The following PKNOX2 variants were observed in gnomAD, a reference collection of about 807,000 sequenced individuals.
PKNOX2 encodes the protein PBX/knotted 1 homeobox 2, also known as homeobox protein PKNOX2.
PKNOX2 carries 14 observed loss-of-function variants against 53.1 expected under a neutral mutation model. The observed-to-expected ratio is 0.26, with a 90% CI of 0.17 to 0.41. PKNOX2 has a LOEUF of 0.41. PKNOX2 is among the 10% of genes least tolerant of loss of function. The pLI is 1.00. For missense variants in PKNOX2, 496 were observed against 602.8 expected, an observed-to-expected ratio of 0.82 and a Z score of 1.85; for synonymous variants, 257 against 242.8, an observed-to-expected ratio of 1.06 and a Z score of -0.54.
chr11:125,355,686 C>G (rs1951566990), intron 4 of PKNOX2, among the ~76,000 whole-genome samples: 1 of 152,126 alleles, frequency 6.6e-6, no homozygotes, highest in African/African-American at 2.4e-5. Context: ...CCTCCTCCCA[C>G]TGCCCCAAGA....
At chr11:125,357,690 G>A (rs1185633730) in intron 4 of PKNOX2, among the ~76,000 whole-genome samples, 1 of 152,164 alleles carries the variant, frequency 6.6e-6, no homozygotes, top group East Asian at 1.9e-4. Context: ...GGCCTGGCAG[G>A]AGGCAGGTGG....
intron 2 of PKNOX2, among the ~76,000 whole-genome samples, chr11:125,251,642 G>C (rs1944007198): frequency 6.6e-6 from 1 of 151,820 alleles, no homozygotes; most frequent in Admixed American, 6.6e-5. Context: ...GAGCAAGAGG[G>C]GAAGGGGCAG....
chr11:125,382,597 C>T (rs1039073729), intron 5 of PKNOX2, among the ~76,000 whole-genome samples: 8 of 151,928 alleles, frequency 5.3e-5, no homozygotes, highest in Admixed American at 4.6e-4. Flanking sequence ...TAATTCATAA[C>T]ACCGTCTGGA....
intron 2 of PKNOX2, among the ~76,000 whole-genome samples, chr11:125,255,904 A>G (rs1005630040): frequency 5.3e-5 from 8 of 151,774 alleles, no homozygotes; most frequent in Admixed American, 2.6e-4. Context: ...GCTAGAAGTC[A>G]TGCATCTAGT....
chr11:125,349,441 T>C (rs1422873032), intron 3 of PKNOX2, among the ~76,000 whole-genome samples: 3 of 152,190 alleles, frequency 2.0e-5, no homozygotes, highest in Admixed American at 6.5e-5. Flanking sequence ...GGCGAGGCCC[T>C]GCATGCTGTT....
At chr11:125,421,108 A>G (rs1175506525) in intron 10 of PKNOX2, among the ~76,000 whole-genome samples, 1 of 152,220 alleles carries the variant, frequency 6.6e-6, no homozygotes, top group Non-Finnish European at 1.5e-5. Flanking sequence ...AATTTCAGGT[A>G]TGAGATGTGA....
intron 3 of PKNOX2, among the ~76,000 whole-genome samples, chr11:125,342,211 G>T (rs947053208): frequency 6.6e-6 from 1 of 151,816 alleles, no homozygotes; most frequent in Non-Finnish European, 1.5e-5. Context: ...TTGGAACAAG[G>T]TATCATCTAG....
At chr11:125,171,667 C>T (rs1219929584) in intron 1 of PKNOX2, among the ~76,000 whole-genome samples, 1 of 152,188 alleles carries the variant, frequency 6.6e-6, no homozygotes, top group African/African-American at 2.4e-5. Context: ...GGAGGATTAC[C>T]CCTTTCCCTT....
At position 125,352,041 on chromosome 11, in the gene PKNOX2, C is replaced by T. The variant is rs114464602; in HGVS notation, c.87+649C>T. ...CCGATTGCCTCTCCTGCAACATGCC[C>T]CTCCTCAGCAGTGCCTTCTGGCTGT... On this transcript the variant is annotated intron_variant, in intron 4 of 12. Transcript: ENST00000298282. This position sits in a 1 kb window ranked among gnomAD's most constrained non-coding sequence, Gnocchi z 4.1. Among the ~76,000 whole-genome samples the T allele has an allele frequency of 0.013, 1,955 of 152,228 alleles. 54 individuals carry two copies. Among genetic ancestry groups the T allele is most frequent in the African/African-American group, 0.044 (1,841 of 41,520 alleles).
intron 1 of PKNOX2, among the ~76,000 whole-genome samples, chr11:125,176,964 C>T (rs4936985): frequency 0.22 from 34,120 of 152,194 alleles, 4,175 homozygotes; most frequent in Non-Finnish European, 0.28. Flanking sequence ...CGCATTCTTC[C>T]TACAGCCCCA....
At chr11:125,295,454 G>C (rs968329827) in intron 2 of PKNOX2, among the ~76,000 whole-genome samples, 2 of 152,238 alleles carry the variant, frequency 1.3e-5, no homozygotes, top group Admixed American at 6.5e-5. Flanking sequence ...ATGTATGCCT[G>C]TGCATGTGTG....
intron 2 of PKNOX2, among the ~76,000 whole-genome samples, chr11:125,305,177 G>A (rs543829894): frequency 6.6e-6 from 1 of 152,140 alleles, no homozygotes; most frequent in African/African-American, 2.4e-5. Context: ...AGAATCAGAG[G>A]CTCCAGAGCA....
At chr11:125,428,371 T>C (rs978421871) in intron 10 of PKNOX2, among the ~76,000 whole-genome samples, 2 of 152,172 alleles carry the variant, frequency 1.3e-5, no homozygotes, top group African/African-American at 2.4e-5. Flanking sequence ...ATTCCATCTC[T>C]TCATCTGCAA....
chr11:125,193,535 G>A (rs1296483244), intron 1 of PKNOX2, among the ~76,000 whole-genome samples: 1 of 152,178 alleles, frequency 6.6e-6, no homozygotes, highest in Non-Finnish European at 1.5e-5. Context: ...TTCTCTCTGT[G>A]TAAGGCTATA....
chr11:125,416,966 C>G (rs1174862813), intron 10 of PKNOX2, among the ~76,000 whole-genome samples: 1 of 152,030 alleles, frequency 6.6e-6, no homozygotes, highest in Non-Finnish European at 1.5e-5. Flanking sequence ...AATCCCAGAG[C>G]CTTTTTGCTG....
intron 1 of PKNOX2, among the ~76,000 whole-genome samples, chr11:125,222,917 T>G (rs1591486383): frequency 6.6e-6 from 1 of 152,206 alleles, no homozygotes; most frequent in African/African-American, 2.4e-5. Flanking sequence ...AATGAATGAA[T>G]GAGCCTAGTT....
Position 125,341,917 on chromosome 11 carries a change from C to T in PKNOX2, c.-22-9367C>T, listed in dbSNP as rs187557024. Among the ~76,000 whole-genome samples the T allele has an allele frequency of 8.0e-5, 12 of 149,868 alleles. No individual in the cohort carries two copies. In the South Asian group the frequency reaches 2.5e-3, roughly 31 times the overall value. On this transcript the variant is annotated intron_variant, in intron 3 of 12. Coordinates refer to ENST00000298282, the MANE Select transcript of PKNOX2 (RefSeq NM_001382323.2). ...CAGGAACACAGAGCCAGTGTACCCGCCCTCCTTCCAAGGGGGTGGTGAGGA... is the reference window on the plus strand; with the variant it reads ...CAGGAACACAGAGCCAGTGTACCCGTCCTCCTTCCAAGGGGGTGGTGAGGA...
At chr11:125,420,692 C>T (rs1320372363) in intron 10 of PKNOX2, among the ~76,000 whole-genome samples, 3 of 152,104 alleles carry the variant, frequency 2.0e-5, no homozygotes. Context: ...CTGATGAAAG[C>T]TTATTTAGAT....
At chr11:125,262,768 C>T (rs1191334611) in intron 2 of PKNOX2, among the ~76,000 whole-genome samples, 2 of 151,972 alleles carry the variant, frequency 1.3e-5, no homozygotes, top group African/African-American at 4.8e-5. Context: ...CACCTCATCA[C>T]CTCTCTCTTT....
Sources: gnomAD v4.1 joint callset for allele counts (sites outside exome capture counted in the v4.1 genomes callset) on GRCh38, gnomAD v4.1.1 for gene constraint, Gnocchi (gnomAD v3.1) non-coding constraint, MANE v1.5 for transcripts, NCBI Gene and HGNC (gene_info 2026-07-23, HGNC 2026-07-21) for gene names.